Variants in UMAD1 observed in about 807,000 individuals in gnomAD.
UMAD1 encodes the protein UBAP1-MVB12-associated (UMA)-domain containing protein 1.
Under a neutral mutation model 6.1 loss-of-function variants are expected in UMAD1, and 8 were observed. The ratio of observed to expected loss-of-function variants is 1.30; its 90% CI spans 0.76 to 2.35. The LOEUF (loss-of-function observed/expected upper bound fraction) is 2.35. Ranked by LOEUF, UMAD1 falls within the 30% of genes most tolerant of loss-of-function variation. The probability of loss-of-function intolerance (pLI) is 0.00; values close to 1 mark genes in which losing one functional copy is unlikely to be tolerated. For synonymous variants in UMAD1, 56 were observed against 31.4 expected, an observed-to-expected ratio of 1.78 and a Z score of -2.61; for missense variants, 130 against 78.4, an observed-to-expected ratio of 1.66 and a Z score of -2.49.
At chr7:7,685,141 A>G (rs1780011408) in intron 2 of UMAD1, among the ~76,000 whole-genome samples, 2 of 152,144 alleles carry the variant, frequency 1.3e-5, no homozygotes, top group South Asian at 4.1e-4. Context: ...TCTACCTTGT[A>G]TGAGTAATTC....
At chr7:7,811,897 C>CTCAT (rs60437538) in intron 3 of UMAD1, among the ~76,000 whole-genome samples, 4 of 151,262 alleles carry the variant, frequency 2.6e-5, no homozygotes, top group South Asian at 2.1e-4. Flanking sequence ...ATTAAAAATA[C>CTCAT]GTTGTTATTT....
At chr7:7,854,962 C>G (rs899416973) in intron 3 of UMAD1, among the ~76,000 whole-genome samples, 14 of 152,190 alleles carry the variant, frequency 9.2e-5, no homozygotes, top group African/African-American at 3.1e-4. Flanking sequence ...GCTACAGGCC[C>G]CATGCAAGTT....
rs115628037 is a variant in UMAD1, at chr7:7,792,933, G to A, written c.83-8737G>A. Among the ~76,000 whole-genome samples, 1,162 of 152,186 alleles carry A rather than the reference G, an allele frequency of 7.6e-3. 22 individuals carry two copies. The highest frequency in any genetic ancestry group is 0.027 in the African/African-American group (1,107 of 41,500). On this transcript the variant is annotated intron_variant, in intron 2 of 3. Coordinates refer to ENST00000682710, the MANE Select transcript of UMAD1 (RefSeq NM_001302348.2). Reference sequence around the variant, plus strand: ...CCCCTTCTAAGGGCACTAATCACTCGTGAGGGCTCCATCCTCATGACCTCA... The same window carrying A: ...CCCCTTCTAAGGGCACTAATCACTCATGAGGGCTCCATCCTCATGACCTCA...
intron 2 of UMAD1, among the ~76,000 whole-genome samples, chr7:7,750,584 C>T (rs1384848081): frequency 6.6e-6 from 1 of 152,126 alleles, no homozygotes; most frequent in East Asian, 1.9e-4. Flanking sequence ...ATTTAACAAA[C>T]ACATATACAA....
At chr7:7,653,248 T>C (rs1563086633) in intron 1 of UMAD1, among the ~76,000 whole-genome samples, 3 of 152,244 alleles carry the variant, frequency 2.0e-5, no homozygotes, top group Admixed American at 6.5e-5. Flanking sequence ...GTGGCAGTTA[T>C]GCAGTTATAT....
intron 2 of UMAD1, among the ~76,000 whole-genome samples, chr7:7,703,754 A>G (rs1780525311): frequency 6.6e-6 from 1 of 152,178 alleles, no homozygotes; most frequent in Non-Finnish European, 1.5e-5. Flanking sequence ...AGCCTGGGCA[A>G]CGTGGCGAAA....
intron 2 of UMAD1, among the ~76,000 whole-genome samples, chr7:7,683,395 G>T (rs760077231): frequency 1.3e-5 from 2 of 152,142 alleles, no homozygotes; most frequent in African/African-American, 4.8e-5. Flanking sequence ...AAGCACTACA[G>T]TTCACTCTCT....
intron 2 of UMAD1, among the ~76,000 whole-genome samples, chr7:7,701,101 G>A (rs943391764): frequency 3.9e-5 from 6 of 152,076 alleles, no homozygotes; most frequent in African/African-American, 9.7e-5. Flanking sequence ...GATCTCTATC[G>A]CCATTTGGTT....
chr7:7,742,851 A>C (rs1563170939), intron 2 of UMAD1, among the ~76,000 whole-genome samples: 1 of 152,188 alleles, frequency 6.6e-6, no homozygotes, highest in Non-Finnish European at 1.5e-5. Context: ...TCTTTCTGTC[A>C]TAATAGACTT....
chr7:7,812,874 A>G (rs1383474679), intron 3 of UMAD1, among the ~76,000 whole-genome samples: 1 of 143,960 alleles, frequency 6.9e-6, no homozygotes, highest in African/African-American at 2.6e-5. Flanking sequence ...TTTGGTTTAT[A>G]TTACCATTAC....
At chr7:7,681,805 T>G (rs2115122870) in intron 2 of UMAD1, among the ~76,000 whole-genome samples, 1 of 152,296 alleles carries the variant, frequency 6.6e-6, no homozygotes, top group East Asian at 1.9e-4. Flanking sequence ...ATCTTTAAGT[T>G]GATTACAAAT....
At chr7:7,664,661 A>G (rs1779392072) in intron 1 of UMAD1, among the ~76,000 whole-genome samples, 1 of 152,206 alleles carries the variant, frequency 6.6e-6, no homozygotes, top group Non-Finnish European at 1.5e-5. Flanking sequence ...ACATCAGATG[A>G]AGTTAAACTC....
intron 2 of UMAD1, chr7:7,718,689 T>C (rs1430948008): frequency 1.3e-5 from 2 of 152,210 alleles, no homozygotes; most frequent in African/African-American, 4.8e-5. Context: ...TGTATAGACA[T>C]CATTCTTGAC....
chr7:7,785,286 TATTG>T (rs1199312311), intron 2 of UMAD1, among the ~76,000 whole-genome samples: 1 of 152,174 alleles, frequency 6.6e-6, no homozygotes, highest in Non-Finnish European at 1.5e-5. Context: ...ATTTCTTCAA[TATTG>T]ATTGTGTGTT....
rs561737255 is a variant in UMAD1, at chr7:7,729,951, T to C, written c.82+56498T>C. On this transcript the variant is annotated intron_variant, in intron 2 of 3. Transcript: ENST00000682710. ...GCTCAGTCTCTCATCACTGTCTGAC[T>C]TCTCTCACCCAGTCTGGAGCCTATG... Among the ~76,000 whole-genome samples, 3 of 152,328 alleles carry C rather than the reference T, an allele frequency of 2.0e-5. No individual in the cohort carries two copies. In the East Asian group the frequency reaches 5.8e-4, roughly 29 times the overall value.
chr7:7,746,983 G>A (rs956799040), intron 2 of UMAD1, among the ~76,000 whole-genome samples: 1 of 149,056 alleles, frequency 6.7e-6, no homozygotes, highest in Non-Finnish European at 1.5e-5. Context: ...GTGTGTGTGT[G>A]TGTGTCTGTG....
intron 3 of UMAD1, among the ~76,000 whole-genome samples, chr7:7,863,427 G>A (rs6463732): frequency 0.42 from 64,233 of 151,742 alleles, 14,453 homozygotes; most frequent in African/African-American, 0.54. Flanking sequence ...ATCTAACTGA[G>A]TTATCATGAA....
At chr7:7,816,020 T>A (rs369379195) in intron 3 of UMAD1, among the ~76,000 whole-genome samples, 14 of 152,084 alleles carry the variant, frequency 9.2e-5, no homozygotes, top group African/African-American at 2.9e-4. Context: ...GGACAAGAAA[T>A]AAAGAAGGAC....
chr7:7,678,666 T>C (rs1282275733), intron 2 of UMAD1, among the ~76,000 whole-genome samples: 1 of 128,412 alleles, frequency 7.8e-6, no homozygotes, highest in African/African-American at 3.2e-5. Context: ...ATTTAGTTTA[T>C]AAATATATAT....
Sources: allele counts gnomAD v4.1 joint callset (sites outside exome capture counted in the v4.1 genomes callset), GRCh38; gene constraint gnomAD v4.1.1; transcripts MANE v1.5; gene names NCBI Gene and HGNC (gene_info 2026-07-23, HGNC 2026-07-21).